The following KLF17 variants were observed in gnomAD, a reference collection of about 807,000 sequenced individuals.
KLF17 encodes the protein Krueppel-like factor 17.
Under a neutral mutation model 34.2 loss-of-function variants are expected in KLF17, and 31 were observed. That is an observed-to-expected ratio of 0.91 (90% CI 0.68 to 1.22). The LOEUF (loss-of-function observed/expected upper bound fraction) is 1.22. KLF17 is among the 50% of genes most tolerant of loss of function. The probability of loss-of-function intolerance (pLI) is 0.00; values close to 1 mark genes in which losing one functional copy is unlikely to be tolerated. For synonymous variants in KLF17, 179 were observed against 186.7 expected (o/e 0.96, Z 0.34); for missense variants, 478 against 505.2 (o/e 0.95, Z 0.52).
chr1:44,055,996 T>C, the KLF17 span, among the ~76,000 whole-genome samples: 4 of 152,220 alleles, frequency 2.6e-5, no homozygotes, highest in Non-Finnish European at 5.9e-5. Context: ...GTAAGGATGC[T>C]TTCTTTTATA....
At chr1:44,081,083 T>C in the KLF17 span, among the ~76,000 whole-genome samples, 133 of 151,972 alleles carry the variant, frequency 8.8e-4, no homozygotes, top group East Asian at 0.018. Flanking sequence ...AAAGAAAATC[T>C]ACTGCATGAG....
the KLF17 span, among the ~76,000 whole-genome samples, chr1:44,081,907 C>T: frequency 5.3e-5 from 8 of 151,998 alleles, no homozygotes; most frequent in African/African-American, 1.9e-4. Flanking sequence ...TGAGCCATAC[C>T]GCTAGTGGCA....
chr1:44,105,420 G>A, the KLF17 span: 3 of 151,934 alleles, frequency 2.0e-5, no homozygotes, highest in Non-Finnish European at 4.4e-5. Context: ...CATGATGCCA[G>A]TCTCCTGGTG....
At chr1:44,100,182 T>C in the KLF17 span, among the ~76,000 whole-genome samples, 1 of 146,804 alleles carries the variant, frequency 6.8e-6, no homozygotes, top group Non-Finnish European at 1.5e-5. Context: ...GCAGGGAACC[T>C]GGGAGGCAGA....
At chr1:44,059,415 T>A in the KLF17 span, among the ~76,000 whole-genome samples, 1 of 152,198 alleles carries the variant, frequency 6.6e-6, no homozygotes, top group Admixed American at 6.5e-5. Flanking sequence ...CCAGTGCAGG[T>A]GGGAACATAA....
the KLF17 span, among the ~76,000 whole-genome samples, chr1:44,113,604 G>A: frequency 6.6e-6 from 1 of 152,156 alleles, no homozygotes; most frequent in African/African-American, 2.4e-5. Flanking sequence ...GACACTCCAG[G>A]CAGAGAAACA....
the KLF17 span, among the ~76,000 whole-genome samples, chr1:44,068,642 A>C: frequency 1.3e-5 from 2 of 152,220 alleles, no homozygotes. Context: ...CTGGACTGGA[A>C]CATTCTGGCC....
At chr1:44,114,893 C>T (rs1041208701), upstream of KLF17, 5 of 152,090 alleles carry the variant, frequency 3.3e-5, no homozygotes. Flanking sequence ...ATTAGCGATC[C>T]TTTAATAAAT....
chr1:44,089,730 T>C, the KLF17 span, among the ~76,000 whole-genome samples: 2 of 152,194 alleles, frequency 1.3e-5, no homozygotes, highest in Non-Finnish European at 2.9e-5. Context: ...TCGGAATCGC[T>C]TCATATCCCA....
chr1:44,066,459 C>A, the KLF17 span, among the ~76,000 whole-genome samples: 3 of 147,564 alleles, frequency 2.0e-5, no homozygotes, highest in African/African-American at 7.6e-5. Context: ...CTCCTGGGCT[C>A]AAGCAATCCT....
chr1:44,054,219 C>G, the KLF17 span, among the ~76,000 whole-genome samples: 2 of 152,094 alleles, frequency 1.3e-5, no homozygotes, highest in East Asian at 3.9e-4. Context: ...CAGGAGGAAG[C>G]TACAAAAGGT....
chr1:44,130,189 G>A lies in KLF17; in HGVS notation c.918G>A (p.Lys306=), dbSNP rs2088090800. Reference sequence around the variant, plus strand: ...CCCACCTCGTGAGCCACCAGCGCAAGCACACAGGTGAAGGAGGTGTCAGGT... The same window carrying A: ...CCCACCTCGTGAGCCACCAGCGCAAACACACAGGTGAAGGAGGTGTCAGGT... ...KRSHLVSHQR[K]HTGERPYSCN... Residue 306 remains lysine (K), a synonymous_variant, in exon 2 of 4, where the codon AAG becomes AAA. Transcript: ENST00000372299. 2 of 1,610,374 alleles carry A rather than the reference G, an allele frequency of 1.2e-6. No individual in the cohort carries two copies. The highest frequency in any genetic ancestry group is 1.7e-5 in the Admixed American group (1 of 59,666).
At chr1:44,070,120 A>G in the KLF17 span, among the ~76,000 whole-genome samples, 1 of 152,168 alleles carries the variant, frequency 6.6e-6, no homozygotes, top group Non-Finnish European at 1.5e-5. Context: ...GCCTATAAAC[A>G]TGATAAAGCC....
intron 1 of KLF17, among the ~76,000 whole-genome samples, chr1:44,121,345 C>G (rs1482608177): frequency 1.3e-5 from 2 of 152,090 alleles, no homozygotes; most frequent in African/African-American, 2.4e-5. Flanking sequence ...AATCTTCTGC[C>G]CTCAAATGAT....
At chr1:44,055,969 A>G in the KLF17 span, among the ~76,000 whole-genome samples, 1 of 152,220 alleles carries the variant, frequency 6.6e-6, no homozygotes, top group Non-Finnish European at 1.5e-5. Flanking sequence ...GTCTCTGAAG[A>G]TGCTCATTGG....
the KLF17 span, among the ~76,000 whole-genome samples, chr1:44,065,057 G>A: frequency 1.3e-5 from 2 of 152,208 alleles, no homozygotes; most frequent in Non-Finnish European, 2.9e-5. Context: ...GGGAGGCTGA[G>A]GCGGGCGGAT....
At chr1:44,082,420 G>A in the KLF17 span, among the ~76,000 whole-genome samples, 1 of 151,872 alleles carries the variant, frequency 6.6e-6, no homozygotes, top group Non-Finnish European at 1.5e-5. Flanking sequence ...GAGTGTGGAA[G>A]TATTGGAAAT....
At chr1:44,128,630 A>G (rs1347449431) in intron 1 of KLF17, among the ~76,000 whole-genome samples, 1 of 152,150 alleles carries the variant, frequency 6.6e-6, no homozygotes, top group Non-Finnish European at 1.5e-5. Flanking sequence ...GCCGAGACCC[A>G]TCTGCAGCCT....
chr1:44,130,218 G>T (rs374542184), intron 2 of KLF17, 22 bp downstream of exon 2: 1 of 1,591,390 alleles, frequency 6.3e-7, no homozygotes, highest in Non-Finnish European at 8.6e-7. Flanking sequence ...GTCAGGTGGG[G>T]TGGGGATGGA....
Sources: allele counts gnomAD v4.1 joint callset (sites outside exome capture counted in the v4.1 genomes callset), GRCh38; gene constraint gnomAD v4.1.1; transcripts MANE v1.5; gene names NCBI Gene and HGNC (gene_info 2026-07-23, HGNC 2026-07-21).